Variants in ATF7 observed in about 807,000 individuals in gnomAD.
ATF7 encodes cyclic AMP-dependent transcription factor ATF-7.
A neutral mutation model predicts 50.4 loss-of-function variants in ATF7; 10 were observed. The ratio of observed to expected loss-of-function variants is 0.20; its 90% confidence interval spans 0.12 to 0.34. ATF7 has a LOEUF of 0.34. ATF7 is among the 10% of genes least tolerant of loss of function. The pLI is 1.00. For missense variants in ATF7, 465 were observed against 613.9 expected (o/e 0.76, Z 2.56); for synonymous variants, 201 against 226.4 (o/e 0.89, Z 1.01).
intron 1 of ATF7, among the ~76,000 whole-genome samples, chr12:53,622,809 CA>C: frequency 6.6e-6 from 1 of 151,632 alleles, no homozygotes; most frequent in South Asian, 2.1e-4. Context: ...CCAATCTCTA[CA>C]AAAAATTTAA....
chr12:53,517,484 G>GA, intron 11 of ATF7, 130 bp from the exon 12 acceptor site: 1 of 876,032 alleles, frequency 1.1e-6, no homozygotes, highest in Non-Finnish European at 1.7e-6. Context: ...TTTTTTTGGG[G>GA]AAAACTTCCC....
In ATF7 at chr12:53,512,207, G is replaced by A. The variant is rs996822677; in HGVS notation, c.*4930C>T. ...ACAGTATGGTTAGGGAGAATAGAGC[G>A]AAGCCCCTGCCTCAGCCCAGTCCCA... is the stretch of plus-strand genomic sequence containing the variant. On this transcript the variant is annotated 3_prime_UTR_variant, in exon 12 of 12. Transcript: ENST00000420353. 6.6e-6 allele frequency: 1 copy of A among 152,236 alleles called. No individual in the cohort carries two copies. Among genetic ancestry groups the A allele is most frequent in the Non-Finnish European group, 1.5e-5 (1 of 68,076 alleles). 9.4% of individuals were successfully genotyped at this position (152,236 alleles called of 1,614,324 possible). A position where few individuals can be genotyped will look rare whatever the true frequency, so the allele number is the denominator to read the frequency against.
chr12:53,599,448 A>G (rs934775581), intron 2 of ATF7, among the ~76,000 whole-genome samples: 1 of 146,132 alleles, frequency 6.8e-6, no homozygotes, highest in Non-Finnish European at 1.5e-5. Context: ...ACATCCATAT[A>G]TAAATGGAGA....
intron 11 of ATF7, among the ~76,000 whole-genome samples, chr12:53,519,045 C>G (rs1937923389): frequency 2.0e-5 from 3 of 148,956 alleles, no homozygotes; most frequent in Admixed American, 2.0e-4. Context: ...CAGAGCGAGA[C>G]TCCGTCTCAA....
intron 2 of ATF7, among the ~76,000 whole-genome samples, chr12:53,597,062 A>T (rs966532465): frequency 6.6e-6 from 1 of 152,170 alleles, no homozygotes; most frequent in African/African-American, 2.4e-5. Context: ...GTTCCTCTTC[A>T]TGAGGTTGAT....
At position 53,533,236 on chromosome 12, in the gene ATF7, A is replaced by G; in HGVS notation, c.584T>C (p.Leu195Pro). ...CTGTCCATTAGCAAGATGCATGACAAGAGGGAGGGAGCCAGTGGGAGACCT... is the reference window on the plus strand; with the variant it reads ...CTGTCCATTAGCAAGATGCATGACAGGAGGGAGGGAGCCAGTGGGAGACCT... Reference protein sequence around the residue: ...QMGSPTGSLPLVMHLANGQTM... With the variant: ...QMGSPTGSLPPVMHLANGQTM... The change falls in exon 7 of 12, where the codon CTT becomes CCT. Residue 195 changes from leucine to proline, a missense_variant. Physicochemically the swap from Leu to Pro is moderately conservative, Grantham distance 98. Coordinates refer to ENST00000420353, the MANE Select transcript of ATF7 (RefSeq NM_006856.3). 6.2e-7 allele frequency: 1 copy of G among 1,613,774 alleles called. No homozygotes were observed. The highest frequency in any genetic ancestry group is 8.5e-7 in the Non-Finnish European group (1 of 1,179,702).
At chr12:53,559,788 T>C (rs1167522065) in intron 2 of ATF7, among the ~76,000 whole-genome samples, 3 of 152,146 alleles carry the variant, frequency 2.0e-5, no homozygotes, top group Non-Finnish European at 4.4e-5. Flanking sequence ...GCATGAAACA[T>C]TTCAGACATC....
intron 3 of ATF7, among the ~76,000 whole-genome samples, chr12:53,551,006 C>A (rs1940320133): frequency 1.3e-5 from 2 of 152,184 alleles, no homozygotes; most frequent in South Asian, 2.1e-4. Flanking sequence ...CTGATTAATT[C>A]TACTTAATAT....
chr12:53,615,178 T>C (rs1029417877), intron 1 of ATF7, among the ~76,000 whole-genome samples: 24 of 151,092 alleles, frequency 1.6e-4, no homozygotes, highest in African/African-American at 5.8e-4. Context: ...GGTCAGGAGA[T>C]TGAGACCATC....
Position 53,517,035 on chromosome 12 carries a change from C to T in ATF7, c.*102G>A. 1 of 1,265,910 alleles carries T rather than the reference C, an allele frequency of 7.9e-7. No homozygotes were observed. The highest frequency in any genetic ancestry group is 1.1e-6 in the Non-Finnish European group (1 of 891,126). The allele number at this position is 1,265,910 out of a possible 1,614,324, so 78.4% of individuals were successfully genotyped here. Reference sequence around the variant, plus strand: ...CTCACAACACACAATTCCCCCCACCCATATTGCCATGTCCAAGGCAGATGG... The same window carrying T: ...CTCACAACACACAATTCCCCCCACCTATATTGCCATGTCCAAGGCAGATGG... On this transcript the variant is annotated 3_prime_UTR_variant, in exon 12 of 12. Transcript: ENST00000420353.
chr12:53,578,362 T>C (rs1382005522), intron 2 of ATF7, among the ~76,000 whole-genome samples: 2 of 67,402 alleles, frequency 3.0e-5, no homozygotes, highest in African/African-American at 4.2e-5. Context: ...AGTGAGATCT[T>C]CTCTCAAAAA....
Position 53,517,313 on chromosome 12 carries a change from G to T in ATF7, c.1276C>A (p.Pro426Thr). ...ESSEPTGSPA[P>T]VIQHSSATAP... ...GTTGCTGAGCTGTGCTGAATCACAGGGGCTGGAGAACCCGTTGGCTCTGAG... is the reference window on the plus strand; with the variant it reads ...GTTGCTGAGCTGTGCTGAATCACAGTGGCTGGAGAACCCGTTGGCTCTGAG... The change falls in exon 12 of 12, where the codon CCT (proline) becomes ACT (threonine). Residue 426 changes from proline (P) to threonine (T), a missense_variant. Pro to Thr is a conservative substitution (Grantham distance 38). Transcript: ENST00000420353. 1 of 1,613,978 alleles carries T rather than the reference G, an allele frequency of 6.2e-7. No homozygotes were observed. The highest frequency in any genetic ancestry group is 8.5e-7 in the Non-Finnish European group (1 of 1,179,898).
chr12:53,545,830 G>A (rs1939868647), intron 3 of ATF7, among the ~76,000 whole-genome samples: 1 of 152,026 alleles, frequency 6.6e-6, no homozygotes, highest in Admixed American at 6.6e-5. Context: ...CAAGGCAGGC[G>A]GATCCCCCCT....
Position 53,578,048 on chromosome 12 carries a change from G to A in ATF7, c.48+22905C>T, listed in dbSNP as rs75845959. ...TGCAAGCAGAGAGTACAGTCAAAGA[G>A]AGAAAACCCTATCAGCCTAGAATTC... On this transcript the variant is annotated intron_variant, in intron 2 of 11. Transcript: ENST00000420353. Among the ~76,000 whole-genome samples the A allele has an allele frequency of 8.3e-3, 1,265 of 152,182 alleles. 13 individuals are homozygous for A. Among genetic ancestry groups the A allele is most frequent in the African/African-American group, 0.029 (1,201 of 41,532 alleles).
chr12:53,520,769 G>A (rs1938072936), intron 11 of ATF7, among the ~76,000 whole-genome samples: 1 of 151,972 alleles, frequency 6.6e-6, no homozygotes, highest in South Asian at 2.1e-4. Context: ...CATTCTTGTG[G>A]TTGCTTAAGC....
intron 9 of ATF7, among the ~76,000 whole-genome samples, chr12:53,529,748 T>G (rs1446937632): frequency 2.0e-5 from 2 of 99,674 alleles, no homozygotes; most frequent in Admixed American, 1.1e-4. Context: ...TATATATGTT[T>G]TTTTTTTTTT....
chr12:53,548,125 C>T lies in ATF7; in HGVS notation c.145+4416G>A, dbSNP rs190271095. Among the ~76,000 whole-genome samples, 123 of 151,898 alleles carry T rather than the reference C, an allele frequency of 8.1e-4. 1 individual carries two copies. The highest frequency in any genetic ancestry group is 1.3e-3 in the Non-Finnish European group (91 of 67,960). On this transcript the variant is annotated intron_variant, in intron 3 of 11. Coordinates refer to ENST00000420353, the MANE Select transcript of ATF7 (RefSeq NM_006856.3). ...CAAGCAATCATTCTGCCTCTGCTTC[C>T]CCAAATGCTGGGATTGTAGGCGTGA...
chr12:53,605,741 G>C (rs1192700741), intron 1 of ATF7, among the ~76,000 whole-genome samples: 3 of 152,190 alleles, frequency 2.0e-5, no homozygotes, highest in Non-Finnish European at 4.4e-5. Context: ...TTTCTGACTA[G>C]AAAGGGGATG....
intron 9 of ATF7, among the ~76,000 whole-genome samples, chr12:53,527,431 C>T (rs746077006): frequency 1.0e-4 from 15 of 150,550 alleles, no homozygotes; most frequent in African/African-American, 2.7e-4. Context: ...GCAAGTGAGC[C>T]ATGACTGTCC....
Sources: allele counts gnomAD v4.1 joint callset (sites outside exome capture counted in the v4.1 genomes callset), GRCh38; gene constraint gnomAD v4.1.1; transcripts MANE v1.5; gene names NCBI Gene and HGNC (gene_info 2026-07-23, HGNC 2026-07-21).